The following LRRTM4 variants were observed in gnomAD, a reference collection of about 807,000 sequenced individuals.
LRRTM4 encodes the protein leucine rich repeat transmembrane neuronal 4.
Under a neutral mutation model 47.6 loss-of-function variants are expected in LRRTM4, and 25 were observed. That is an observed-to-expected ratio of 0.53 (90% CI 0.38 to 0.73). The LOEUF (loss-of-function observed/expected upper bound fraction) is 0.73, where lower values mean the gene tolerates loss of function less well. LRRTM4 is among the 30% of genes least tolerant of loss of function. LRRTM4 has a pLI of 0.00. For missense variants in LRRTM4, 638 were observed against 713.4 expected (o/e 0.89, Z 1.20); for synonymous variants, 311 against 269.5 (o/e 1.15, Z -1.51).
intron 3 of LRRTM4, among the ~76,000 whole-genome samples, chr2:77,351,270 G>A (rs953345471): frequency 6.7e-6 from 1 of 148,488 alleles, no homozygotes; most frequent in Non-Finnish European, 1.5e-5. Flanking sequence ...GTGAAATAAA[G>A]TAGGAAAAAA....
chr2:77,260,703 T>A (rs1351502052), intron 3 of LRRTM4, among the ~76,000 whole-genome samples: 1 of 122,266 alleles, frequency 8.2e-6, no homozygotes, highest in Non-Finnish European at 1.5e-5. Flanking sequence ...AAACATAGCA[T>A]TTTTCATAGG....
At chr2:76,776,112 A>G (rs878937781) in intron 3 of LRRTM4, among the ~76,000 whole-genome samples, 1 of 152,220 alleles carries the variant, frequency 6.6e-6, no homozygotes, top group African/African-American at 2.4e-5. Flanking sequence ...GCTGCATAGT[A>G]TTCCACGGTG....
chr2:76,847,851 A>C (rs1178661434), intron 3 of LRRTM4, among the ~76,000 whole-genome samples: 1 of 152,180 alleles, frequency 6.6e-6, no homozygotes, highest in Non-Finnish European at 1.5e-5. Context: ...TTTACATAAG[A>C]AAGTGACATG....
chr2:76,838,868 A>G (rs929859997), intron 3 of LRRTM4, among the ~76,000 whole-genome samples: 7 of 152,142 alleles, frequency 4.6e-5, no homozygotes, highest in African/African-American at 1.7e-4. Flanking sequence ...TATACATTTC[A>G]TAATTCGTTA....
chr2:77,217,396 A>ATATT (rs1451164760), intron 3 of LRRTM4, among the ~76,000 whole-genome samples: 1 of 50,610 alleles, frequency 2.0e-5, no homozygotes, highest in Non-Finnish European at 3.4e-5. Flanking sequence ...TTAATTAATT[A>ATATT]TATTAATTAA....
chr2:76,928,151 G>C (rs1674650491), intron 3 of LRRTM4, among the ~76,000 whole-genome samples: 2 of 152,104 alleles, frequency 1.3e-5, no homozygotes, highest in South Asian at 4.1e-4. Flanking sequence ...GAGCCATGTG[G>C]ATGTGGAAAT....
At chr2:77,266,830 T>G (rs1676063347) in intron 3 of LRRTM4, among the ~76,000 whole-genome samples, 1 of 152,104 alleles carries the variant, frequency 6.6e-6, no homozygotes, top group South Asian at 2.1e-4. Context: ...GGAGTAAATG[T>G]AAGTCAACAT....
chr2:76,954,912 G>A (rs1169950238), intron 3 of LRRTM4, among the ~76,000 whole-genome samples: 1 of 151,474 alleles, frequency 6.6e-6, no homozygotes, highest in Admixed American at 6.6e-5. Context: ...AAAAGTGCTG[G>A]GGACAAAACA....
chr2:76,800,757 GA>G (rs201028414), intron 3 of LRRTM4, among the ~76,000 whole-genome samples: 34,477 of 127,744 alleles, frequency 0.27, 5,527 homozygotes, highest in East Asian at 0.56. Context: ...AAATTTACAA[GA>G]AAAAAACAAA....
At chr2:77,094,495 G>A (rs557477753) in intron 3 of LRRTM4, among the ~76,000 whole-genome samples, 49 of 152,054 alleles carry the variant, frequency 3.2e-4, no homozygotes, top group African/African-American at 1.0e-3. Flanking sequence ...AAAATAACAA[G>A]CAGAGAGTAT....
chr2:77,141,930 C>G (rs1407130774), intron 3 of LRRTM4, among the ~76,000 whole-genome samples: 1 of 152,048 alleles, frequency 6.6e-6, no homozygotes, highest in Admixed American at 6.6e-5. Flanking sequence ...GCTTCAACAC[C>G]CAAGTCTTCT....
intron 3 of LRRTM4, among the ~76,000 whole-genome samples, chr2:77,338,686 T>C (rs1028279052): frequency 6.6e-6 from 1 of 151,070 alleles, no homozygotes. Context: ...TGGAAAGCAG[T>C]TTGGTGATTT....
chr2:77,020,353 A>C (rs567690568), intron 3 of LRRTM4, among the ~76,000 whole-genome samples: 2 of 152,296 alleles, frequency 1.3e-5, no homozygotes, highest in South Asian at 4.1e-4. Context: ...GGTTGGTGCA[A>C]AAGTAATTGT....
intron 3 of LRRTM4, among the ~76,000 whole-genome samples, chr2:76,750,241 A>G (rs771832886): frequency 7.2e-5 from 11 of 152,172 alleles, no homozygotes; most frequent in Non-Finnish European, 1.3e-4. Context: ...AGTATATCCA[A>G]CATTTGATCT....
chr2:77,092,815 G>C (rs1200118083), intron 3 of LRRTM4, among the ~76,000 whole-genome samples: 1 of 142,254 alleles, frequency 7.0e-6, no homozygotes, highest in African/African-American at 2.9e-5. Flanking sequence ...CAGCCAAGCA[G>C]TTTTTCAGGC....
intron 3 of LRRTM4, among the ~76,000 whole-genome samples, chr2:77,184,782 G>T (rs557238491): frequency 6.6e-6 from 1 of 152,030 alleles, no homozygotes; most frequent in African/African-American, 2.4e-5. Flanking sequence ...CAGAAAGAAC[G>T]TTCAAATATT....
chr2:77,055,127 A>C (rs1254027965), intron 3 of LRRTM4, among the ~76,000 whole-genome samples: 2 of 152,102 alleles, frequency 1.3e-5, no homozygotes, highest in East Asian at 3.9e-4. Flanking sequence ...CACAACCCAC[A>C]CAGAAAAGGA....
intron 3 of LRRTM4, among the ~76,000 whole-genome samples, chr2:76,759,863 C>T (rs190079990): frequency 6.6e-6 from 1 of 152,094 alleles, no homozygotes; most frequent in Non-Finnish European, 1.5e-5. Flanking sequence ...CACGCTGATT[C>T]ACATATGTAA....
chr2:77,495,037 T>C (rs939053102), intron 3 of LRRTM4, among the ~76,000 whole-genome samples: 2 of 152,138 alleles, frequency 1.3e-5, no homozygotes, highest in Admixed American at 1.3e-4. Flanking sequence ...AATTTGTTTA[T>C]CCATTAATCT....
Sources: allele counts gnomAD v4.1 joint callset (sites outside exome capture counted in the v4.1 genomes callset), GRCh38; gene constraint gnomAD v4.1.1; transcripts MANE v1.5; gene names NCBI Gene and HGNC (gene_info 2026-07-23, HGNC 2026-07-21).